Variants in PVT1 observed in about 807,000 individuals in gnomAD.
PVT1 encodes Pvt1 oncogene.
chr8:127,920,056 C>T lies in PVT1; in HGVS notation n.782+29058C>T, dbSNP rs143159018. On this transcript the variant is annotated intron_variant and non_coding_transcript_variant, in intron 3 of 10. Transcript: ENST00000651587. ...AACAGTGGTTCATGTTCTAGCCACA[C>T]AGAAATTGAGGGGGTCCTGTGTTAT... Among the ~76,000 whole-genome samples, 46 of 152,278 alleles carry T rather than the reference C, an allele frequency of 3.0e-4. No homozygotes were observed. The East Asian group carries it at 8.7e-3, about 29-fold the overall frequency.
chr8:127,928,240 G>A (rs1563641954), intron 3 of PVT1, among the ~76,000 whole-genome samples: 1 of 152,066 alleles, frequency 6.6e-6, no homozygotes. Context: ...GGTCACCCTG[G>A]CCTGCCTTTA....
At chr8:127,917,707 G>A (rs552117846) in intron 3 of PVT1, among the ~76,000 whole-genome samples, 85 of 152,370 alleles carry the variant, frequency 5.6e-4, no homozygotes, top group African/African-American at 2.0e-3. Context: ...GCAGTGGCTT[G>A]GCCGCCCCAA....
chr8:127,809,268 T>C (rs1380195682), intron 2 of PVT1, among the ~76,000 whole-genome samples: 1 of 152,092 alleles, frequency 6.6e-6, no homozygotes, highest in East Asian at 1.9e-4. Context: ...AGTGGCTCAT[T>C]GCAGCCTGGA....
chr8:127,918,140 C>T (rs1048305809), intron 3 of PVT1, among the ~76,000 whole-genome samples: 3 of 152,194 alleles, frequency 2.0e-5, no homozygotes, highest in Non-Finnish European at 2.9e-5. Context: ...TGCCATGACT[C>T]GGGGGCGGCC....
At chr8:128,041,459 TA>T (rs1432528807) in intron 4 of PVT1, among the ~76,000 whole-genome samples, 8 of 151,270 alleles carry the variant, frequency 5.3e-5, no homozygotes, top group African/African-American at 1.9e-4. Flanking sequence ...TTGGCGTGTA[TA>T]TGTGTTTGGT....
intron 2 of PVT1, among the ~76,000 whole-genome samples, chr8:127,863,224 G>T (rs922074412): frequency 9.9e-5 from 15 of 151,950 alleles, no homozygotes; most frequent in African/African-American, 3.6e-4. Context: ...CAATTATCCT[G>T]CTTCAGCCTC....
In PVT1 at chr8:127,925,892, C is replaced by T. The variant is rs569796618; in HGVS notation, n.782+34894C>T. Among the ~76,000 whole-genome samples the T allele has an allele frequency of 1.4e-3, 215 of 152,320 alleles. 3 individuals carry two copies. The highest frequency in any genetic ancestry group is 1.3e-3 in the Non-Finnish European group (88 of 68,030). On this transcript the variant is annotated intron_variant and non_coding_transcript_variant, in intron 3 of 10. Transcript: ENST00000651587. Reference sequence around the variant, plus strand: ...CTGACCTCAGGTGAGCCACCCACCTCGGGCTCCCAAAGTGCTGGGATTACA... The same window carrying T: ...CTGACCTCAGGTGAGCCACCCACCTTGGGCTCCCAAAGTGCTGGGATTACA...
intron 3 of PVT1, among the ~76,000 whole-genome samples, chr8:127,984,849 C>CT (rs1324192778): frequency 3.5e-4 from 7 of 20,048 alleles, no homozygotes; most frequent in Admixed American, 7.3e-4. Context: ...TTCTTTCTTT[C>CT]TTTCTTTCTT....
intron 3 of PVT1, among the ~76,000 whole-genome samples, chr8:127,897,887 GAA>G (rs1815704831): frequency 1.8e-5 from 2 of 113,002 alleles, no homozygotes; most frequent in Non-Finnish European, 3.6e-5. Flanking sequence ...AAGAAAGAAA[GAA>G]AGAAAGAAAG....
chr8:127,809,917 C>G (rs1814573626), intron 2 of PVT1, among the ~76,000 whole-genome samples: 1 of 152,204 alleles, frequency 6.6e-6, no homozygotes, highest in Non-Finnish European at 1.5e-5. Flanking sequence ...CATTGCTTTT[C>G]ACAAAACAAA....
chr8:128,089,654 G>T (rs984192858), intron 5 of PVT1, among the ~76,000 whole-genome samples: 1 of 152,202 alleles, frequency 6.6e-6, no homozygotes, highest in Non-Finnish European at 1.5e-5. Flanking sequence ...ACACAATTAC[G>T]CATAGCAGGG....
intron 2 of PVT1, among the ~76,000 whole-genome samples, chr8:127,821,125 G>C (rs530714755): frequency 4.6e-5 from 7 of 152,106 alleles, no homozygotes; most frequent in Non-Finnish European, 1.0e-4. Context: ...TCAATGAAAG[G>C]TTATCAAACT....
chr8:128,068,129 T>C (rs1279814816), intron 4 of PVT1, among the ~76,000 whole-genome samples: 3 of 152,042 alleles, frequency 2.0e-5, no homozygotes, highest in Non-Finnish European at 2.9e-5. Flanking sequence ...TTTACAGGGA[T>C]GTGTCCTCAG....
intron 2 of PVT1, among the ~76,000 whole-genome samples, chr8:127,831,090 T>G (rs1444162022): frequency 1.3e-5 from 2 of 151,698 alleles, no homozygotes; most frequent in Non-Finnish European, 2.9e-5. Flanking sequence ...AAAACTCCTC[T>G]TTATATACAT....
At chr8:127,884,100 C>T (rs975763238) in intron 2 of PVT1, among the ~76,000 whole-genome samples, 5 of 152,212 alleles carry the variant, frequency 3.3e-5, no homozygotes, top group Non-Finnish European at 7.3e-5. Flanking sequence ...GAGTGTGGAG[C>T]CAGCACCTGG....
chr8:128,012,831 C>T (rs2130038801), intron 4 of PVT1, among the ~76,000 whole-genome samples: 1 of 152,152 alleles, frequency 6.6e-6, no homozygotes, highest in East Asian at 1.9e-4. Flanking sequence ...ATATCCACCC[C>T]ACTCCCACCG....
intron 2 of PVT1, among the ~76,000 whole-genome samples, chr8:127,862,008 G>T (rs1008752686): frequency 6.6e-6 from 1 of 152,214 alleles, no homozygotes; most frequent in African/African-American, 2.4e-5. Context: ...TTGCTGTTGA[G>T]GAGTATTTAA....
intron 2 of PVT1, among the ~76,000 whole-genome samples, chr8:127,797,950 G>A (rs2130184762): frequency 6.6e-6 from 1 of 152,248 alleles, no homozygotes; most frequent in Admixed American, 6.5e-5. Flanking sequence ...GTAGAGATTT[G>A]GACCACAGTC....
At chr8:127,862,802 T>TA (rs1269258781) in intron 2 of PVT1, among the ~76,000 whole-genome samples, 1 of 152,202 alleles carries the variant, frequency 6.6e-6, no homozygotes, top group African/African-American at 2.4e-5. Flanking sequence ...TGTTTATGGC[T>TA]TATTTGTGTT....
Sources: gnomAD v4.1 joint callset for allele counts (sites outside exome capture counted in the v4.1 genomes callset) on GRCh38, gnomAD v4.1.1 for gene constraint, MANE v1.5 for transcripts, NCBI Gene and HGNC (gene_info 2026-07-23, HGNC 2026-07-21) for gene names.